Variants in PCNX1 observed in about 807,000 individuals in gnomAD.
PCNX1 encodes pecanex-like protein 1.
PCNX1 carries 78 observed loss-of-function variants against 242.2 expected under a neutral mutation model. The ratio of observed to expected loss-of-function variants is 0.32; its 90% confidence interval spans 0.27 to 0.39. The LOEUF is 0.39. PCNX1 is among the 10% of genes least tolerant of loss of function. PCNX1 has a pLI of 1.00. For missense variants in PCNX1, 2,581 were observed against 2,856.5 expected, an observed-to-expected ratio of 0.90 and a Z score of 2.20; for synonymous variants, 1,024 against 1,032.9, an observed-to-expected ratio of 0.99 and a Z score of 0.17.
At chr14:70,996,229 G>C (rs1003054494) in intron 8 of PCNX1, among the ~76,000 whole-genome samples, 1 of 151,794 alleles carries the variant, frequency 6.6e-6, no homozygotes, top group African/African-American at 2.4e-5. Flanking sequence ...AGGAGAAAAC[G>C]TTGACTTTTT....
rs114058412 is a variant in PCNX1 at position 70,912,359 on chromosome 14, G to A, written c.153+4356G>A. Among the ~76,000 whole-genome samples the A allele has an allele frequency of 8.7e-3, 1,324 of 152,148 alleles. 9 individuals are homozygous for A. Among genetic ancestry groups the A allele is most frequent in the South Asian group, 0.017 (82 of 4,828 alleles). ...ATGATGTGCAAGCCCTTTCTTATTC[G>A]GTAGATCTGGAGTGTGGCCTATTGA... On this transcript the variant is annotated intron_variant, in intron 1 of 35. Transcript: ENST00000304743.
chr14:71,080,234 A>T (rs2061819937), intron 28 of PCNX1, among the ~76,000 whole-genome samples: 1 of 152,054 alleles, frequency 6.6e-6, no homozygotes, highest in Admixed American at 6.5e-5. Flanking sequence ...TGATCTATAT[A>T]TCTGTTTTGG....
chr14:70,960,287 A>G (rs1367009278), intron 2 of PCNX1, among the ~76,000 whole-genome samples: 8 of 143,664 alleles, frequency 5.6e-5, no homozygotes, highest in Non-Finnish European at 1.2e-4. Context: ...TTGGTGTTTT[A>G]GACATGAAGT....
At chr14:71,084,059 A>T (rs767022073) in intron 28 of PCNX1, among the ~76,000 whole-genome samples, 1 of 152,100 alleles carries the variant, frequency 6.6e-6, no homozygotes, top group Non-Finnish European at 1.5e-5. Flanking sequence ...TTGGTTGATG[A>T]TGATGCTATT....
intron 1 of PCNX1, among the ~76,000 whole-genome samples, chr14:70,913,875 T>C (rs2056036242): frequency 6.6e-6 from 1 of 152,230 alleles, no homozygotes; most frequent in Admixed American, 6.5e-5. Context: ...CATATGATTT[T>C]TAAGTATTAT....
At chr14:71,096,683 G>A (rs991008080) in intron 30 of PCNX1, among the ~76,000 whole-genome samples, 14 of 152,096 alleles carry the variant, frequency 9.2e-5, no homozygotes, top group Admixed American at 7.9e-4. Flanking sequence ...GAGAGTTGGT[G>A]TATGATATAC....
chr14:70,980,951 G>A (rs1010288320), intron 6 of PCNX1, among the ~76,000 whole-genome samples: 1 of 152,120 alleles, frequency 6.6e-6, no homozygotes, highest in Non-Finnish European at 1.5e-5. Flanking sequence ...TTTAAGGTAG[G>A]TGGTGGTGGT....
rs551326358 is a variant in PCNX1 at position 70,968,730 on chromosome 14, C to T, written c.515-291C>T. 5.9e-5 allele frequency among the ~76,000 whole-genome samples: 9 copies of T among 152,274 alleles called. No individual in the cohort carries two copies. The East Asian group carries it at 1.3e-3, about 23-fold the overall frequency. On this transcript the variant is annotated intron_variant, in intron 4 of 35. Transcript: ENST00000304743. Reference sequence around the variant, plus strand: ...ATGTTGGGTCAAGTTATGTAATTTGCATTCCTTTTTAAATTCCACTTGTTT... The same window carrying T: ...ATGTTGGGTCAAGTTATGTAATTTGTATTCCTTTTTAAATTCCACTTGTTT...
At position 70,977,223 on chromosome 14, in the gene PCNX1, A is replaced by C; in HGVS notation, c.886A>C (p.Thr296Pro). Residue 296 changes from threonine to proline, a missense_variant, in exon 6 of 36, where the codon ACT becomes CCT. By Grantham distance (38) the Thr-to-Pro change is conservative. This residue lies in a region of PCNX1 where 1,204 missense variants were observed against 1,216.7 expected (regional missense o/e 0.99). Transcript: ENST00000304743. ...TSSSAVAFPDTSLNDFPLYQQ... is the reference protein window; with the variant it reads ...TSSSAVAFPDPSLNDFPLYQQ... ...TAGCTCTGCTGTGGCTTTTCCAGAC[A>C]CTTCACTGAATGATTTTCCCCTTTA... 1 of 1,614,172 alleles carries C rather than the reference A, an allele frequency of 6.2e-7. No homozygotes were observed. The highest frequency in any genetic ancestry group is 8.5e-7 in the Non-Finnish European group (1 of 1,180,026).
rs2060398946 is a variant in PCNX1, at chr14:71,031,971, C to T, written c.3559-1458C>T. Reference sequence around the variant, plus strand: ...CAAACTTCATGGCTCTTTCTAGGCACTGTGGTTCATTGTCTCATGCCAAGA... The same window carrying T: ...CAAACTTCATGGCTCTTTCTAGGCATTGTGGTTCATTGTCTCATGCCAAGA... On this transcript the variant is annotated intron_variant, in intron 16 of 35. Transcript: ENST00000304743. The T allele has an allele frequency of 4.8e-5, 62 of 1,300,386 alleles. No individual in the cohort carries two copies. The South Asian group carries it at 7.0e-4, about 15-fold the overall frequency. 80.6% of individuals were successfully genotyped at this position (1,300,386 alleles called of 1,614,324 possible).
chr14:70,978,381 A>G lies in PCNX1; in HGVS notation c.2044A>G (p.Asn682Asp). The G allele has an allele frequency of 1.2e-6, 2 of 1,614,252 alleles. No individual in the cohort carries two copies. The highest frequency in any genetic ancestry group is 1.3e-5 in the African/African-American group (1 of 75,066). The change falls in exon 6 of 36, where the codon AAT becomes GAT. Residue 682 changes from asparagine (N) to aspartate (D), a missense_variant. Transcript: ENST00000304743. The part of the protein sequence containing the change: ...KRATRRTSST[N>D]SAKTRARVLS... ...TGCAACACGACGGACTTCTAGCACA[A>G]ATAGTGCCAAGACTCGTGCCCGAGT...
At chr14:71,060,976 C>T (rs1164805273) in intron 26 of PCNX1, among the ~76,000 whole-genome samples, 1 of 152,108 alleles carries the variant, frequency 6.6e-6, no homozygotes, top group Non-Finnish European at 1.5e-5. Context: ...AGTGGTGAGT[C>T]TGTAAATGCT....
rs1163580566 is a variant in PCNX1 at position 70,962,235 on chromosome 14, T to C, written c.372T>C (p.Gly124=). 15 of 1,603,060 alleles carry C rather than the reference T, an allele frequency of 9.4e-6. No homozygotes were observed. The highest frequency in any genetic ancestry group is 1.2e-5 in the Non-Finnish European group (14 of 1,170,092). ...RKDSNGPSDP[G]GGIEMSEFIR... is the part of the protein sequence containing the mutation. ...ATTTTTTTCTCCACAGTGATCCTGGTGGAGGGATTGAAATGTCTGAGTTCA... is the reference window on the plus strand; with the variant it reads ...ATTTTTTTCTCCACAGTGATCCTGGCGGAGGGATTGAAATGTCTGAGTTCA... Residue 124 remains glycine, a synonymous_variant, in exon 3 of 36, where the codon GGT becomes GGC. Transcript: ENST00000304743.
intron 2 of PCNX1, among the ~76,000 whole-genome samples, chr14:70,954,836 A>G (rs1388892777): frequency 6.6e-6 from 1 of 152,094 alleles, no homozygotes; most frequent in African/African-American, 2.4e-5. Flanking sequence ...CTAATCTTTA[A>G]TATTTTTAAG....
intron 33 of PCNX1, among the ~76,000 whole-genome samples, chr14:71,105,998 T>C (rs538275006): frequency 6.6e-6 from 1 of 150,916 alleles, no homozygotes; most frequent in East Asian, 1.9e-4. Context: ...TTTGAAAATA[T>C]AATTTTTATT....
Position 70,995,115 on chromosome 14 carries a change from CA to C in PCNX1, c.2445-625del, listed in dbSNP as rs781465072. ...AAAGATGTAAGCTTTTTATAGATAACACTTTATATTAAGTCTACCTCTGACT... is the reference window on the plus strand; with the variant it reads ...AAAGATGTAAGCTTTTTATAGATAACCTTTATATTAAGTCTACCTCTGACT... On this transcript the variant is annotated intron_variant, in intron 7 of 35. Coordinates refer to ENST00000304743, the MANE Select transcript of PCNX1 (RefSeq NM_014982.3). Among the ~76,000 whole-genome samples the C allele has an allele frequency of 4.6e-5, 7 of 152,228 alleles. No homozygotes were observed. The East Asian group carries it at 1.2e-3, about 25-fold the overall frequency.
chr14:71,074,546 A>AG (rs2061664011), intron 27 of PCNX1, among the ~76,000 whole-genome samples: 1 of 152,226 alleles, frequency 6.6e-6, no homozygotes, highest in Non-Finnish European at 1.5e-5. Context: ...AGAGTTGTGC[A>AG]GATGCCTGTT....
chr14:71,096,655 A>G (rs1261420342), intron 30 of PCNX1, among the ~76,000 whole-genome samples: 1 of 152,182 alleles, frequency 6.6e-6, no homozygotes, highest in African/African-American at 2.4e-5. Flanking sequence ...TGAACGCAGT[A>G]TTTAAAAGAA....
rs963125218 is a variant in PCNX1, at chr14:71,095,730, A to G, written c.5590-6260A>G. Among the ~76,000 whole-genome samples the G allele has an allele frequency of 2.6e-5, 4 of 152,334 alleles. No homozygotes were observed. The East Asian group carries it at 7.7e-4, about 29-fold the overall frequency. Reference sequence around the variant, plus strand: ...TGGACATCTTTCCAAATCACCACATACAGAGGCACCTCACAGTTTTCAATG... The same window carrying G: ...TGGACATCTTTCCAAATCACCACATGCAGAGGCACCTCACAGTTTTCAATG... On this transcript the variant is annotated intron_variant, in intron 30 of 35. Transcript: ENST00000304743.
Sources: allele counts gnomAD v4.1 joint callset (sites outside exome capture counted in the v4.1 genomes callset), GRCh38; gene constraint gnomAD v4.1.1; regional missense constraint gnomAD v4.1.1; transcripts MANE v1.5; gene names NCBI Gene and HGNC (gene_info 2026-07-23, HGNC 2026-07-21).